FXYD5: variants seen among roughly 807,000 people sequenced by gnomAD.
FXYD5 encodes the protein FXYD domain-containing ion transport regulator 5.
Under a neutral mutation model 25.7 loss-of-function variants are expected in FXYD5, and 21 were observed. That is an observed-to-expected ratio of 0.82 (90% CI 0.58 to 1.18). The LOEUF (loss-of-function observed/expected upper bound fraction) is 1.18. FXYD5 is among the 50% of genes most tolerant of loss of function. The pLI, the probability that FXYD5 is intolerant of heterozygous loss-of-function variation, is 0.00. For synonymous variants in FXYD5, 101 were observed against 90.7 expected (o/e 1.11, Z -0.64); for missense variants, 229 against 227.7 (o/e 1.01, Z -0.04).
chr19:35,169,446 G>A, intron 8 of FXYD5, 120 bp from the exon 9 acceptor site: 2 of 733,188 alleles, frequency 2.7e-6, no homozygotes, highest in South Asian at 1.6e-5. Context: ...ATTTGTTTAT[G>A]GAGTTGCCTT....
chr19:35,160,904 T>A (rs941885643), intron 5 of FXYD5, 103 bp downstream of exon 5: 1 of 716,092 alleles, frequency 1.4e-6, no homozygotes, highest in African/African-American at 1.8e-5. Flanking sequence ...GTTTGGGGAA[T>A]TGTTAATACA....
At chr19:35,163,917 C>A in intron 5 of FXYD5, 1 of 1,298,478 alleles carries the variant, frequency 7.7e-7, no homozygotes, top group Non-Finnish European at 1.0e-6. Context: ...GGTCTGGAGT[C>A]CCTCGGGGAT....
rs34038258 is a variant in FXYD5, at chr19:35,168,075, TAA to T, written c.488-1480_488-1479del. Among the ~76,000 whole-genome samples, 866 of 145,918 alleles carry T rather than the reference TAA, an allele frequency of 5.9e-3. 19 individuals carry two copies. The highest frequency in any genetic ancestry group is 0.021 in the African/African-American group (835 of 39,612). On this transcript the variant is annotated intron_variant, in intron 8 of 8. Transcript: ENST00000392219. ...CTCTACACAAATAATTTTTTTTACT[TAA>T]AAAAAAAAAAGAATCAGTGAAGGAT...
chr19:35,164,084 C>A, intron 5 of FXYD5, 72 bp from the exon 6 acceptor site: 1 of 1,610,640 alleles, frequency 6.2e-7, no homozygotes. Context: ...CAGATGCAGA[C>A]TCTCAGTAAT....
At chr19:35,165,509 A>T (rs543287653) in intron 6 of FXYD5, among the ~76,000 whole-genome samples, 1 of 152,164 alleles carries the variant, frequency 6.6e-6, no homozygotes, top group East Asian at 1.9e-4. Context: ...TGTCATTGCC[A>T]TCTTGGTTTT....
At chr19:35,167,479 C>T (rs1435208145) in intron 8 of FXYD5, among the ~76,000 whole-genome samples, 1 of 152,192 alleles carries the variant, frequency 6.6e-6, no homozygotes, top group Non-Finnish European at 1.5e-5. Context: ...CCTGCCAATG[C>T]TTAACCAGAG....
chr19:35,169,738 G>A lies in FXYD5; in HGVS notation c.*123G>A, dbSNP rs1219346950. 2 of 698,258 alleles carry A rather than the reference G, an allele frequency of 2.9e-6. No individual in the cohort carries two copies. Among genetic ancestry groups the A allele is most frequent in the South Asian group, 1.6e-5 (1 of 61,718 alleles). 43.3% of individuals were successfully genotyped at this position (698,258 alleles called of 1,614,324 possible). ...CTGGCCAGAGAGGGAAGACACAGATGATGAAGCTGGAGCCAGGGCTGCCGG... is the reference window on the plus strand; with the variant it reads ...CTGGCCAGAGAGGGAAGACACAGATAATGAAGCTGGAGCCAGGGCTGCCGG... On this transcript the variant is annotated 3_prime_UTR_variant, in exon 9 of 9. Transcript: ENST00000392219.
chr19:35,158,420 G>A lies in FXYD5; in HGVS notation c.199+20G>A. The A allele has an allele frequency of 6.7e-7, 1 of 1,494,260 alleles. No homozygotes were observed. The highest frequency in any genetic ancestry group is 2.3e-5 in the East Asian group (1 of 44,256). 92.6% of individuals were successfully genotyped at this position (1,494,260 alleles called of 1,614,324 possible). ...CTGATGGTGAGTAGTGCAGGGGCAG[G>A]CGGCGGGGACAGGACCAAGACAAAC... On this transcript the variant is annotated intron_variant, in intron 4 of 8. Transcript: ENST00000392219.
chr19:35,161,087 T>C (rs923009055), intron 5 of FXYD5, among the ~76,000 whole-genome samples: 2 of 152,176 alleles, frequency 1.3e-5, no homozygotes, highest in African/African-American at 4.8e-5. Context: ...TGATAGACTT[T>C]GGAACTTTCT....
chr19:35,165,704 C>T (rs1351109402), intron 6 of FXYD5, among the ~76,000 whole-genome samples: 1 of 152,048 alleles, frequency 6.6e-6, no homozygotes, highest in South Asian at 2.1e-4. Flanking sequence ...GTTCAAACAC[C>T]CCTGACATGA....
intron 8 of FXYD5, 29 bp from the exon 9 acceptor site, chr19:35,169,537 C>T (rs374228812): frequency 3.6e-5 from 56 of 1,550,524 alleles, no homozygotes; most frequent in Non-Finnish European, 4.5e-5. Context: ...CACTCTAGCT[C>T]GTGACTGAAT....
At chr19:35,155,249 C>T (rs1414468744) in intron 1 of FXYD5, 4 of 483,864 alleles carry the variant, frequency 8.3e-6, no homozygotes, top group Non-Finnish European at 1.5e-5. Context: ...GCGGAAGGCG[C>T]AGGGAGGTGT....
In FXYD5 at chr19:35,166,308, GCAT is replaced by G; in HGVS notation, c.478_480del (p.Ile160del). 6.3e-7 allele frequency: 1 copy of G among 1,590,956 alleles called. No individual in the cohort carries two copies. Among genetic ancestry groups the G allele is most frequent in the Non-Finnish European group, 8.6e-7 (1 of 1,165,760 alleles). ...GTCGCAGCTGTGCTGTTCATCACAG[GCAT>G]CATCATCCTCACCAGTGAGAACTGG... On this transcript the variant is annotated inframe_deletion, in exon 8 of 9. Coordinates refer to ENST00000392219, the MANE Select transcript of FXYD5 (RefSeq NM_014164.6).
rs144917831 is a variant in FXYD5, at chr19:35,164,188, G to A, written c.325G>A (p.Glu109Lys). 2 of 1,613,934 alleles carry A rather than the reference G, an allele frequency of 1.2e-6. No individual in the cohort carries two copies. The highest frequency in any genetic ancestry group is 1.7e-6 in the Non-Finnish European group (2 of 1,180,010). Reference protein sequence around the residue: ...HPTDDTTTLSERPSPSTDVQT... With the variant: ...HPTDDTTTLSKRPSPSTDVQT... The stretch of plus-strand genomic sequence containing the variant: ...CACTGATGACACCACGACGCTCTCT[G>A]AGAGACCATCCCCAAGCACAGACGT... Residue 109 changes from glutamate (E) to lysine (K), a missense_variant, in exon 6 of 9, where the codon GAG becomes AAG. Coordinates refer to ENST00000392219, the MANE Select transcript of FXYD5 (RefSeq NM_014164.6).
intron 2 of FXYD5, 88 bp downstream of exon 2, chr19:35,155,699 G>A (rs1481274828): frequency 1.0e-5 from 10 of 957,292 alleles, no homozygotes; most frequent in Non-Finnish European, 1.5e-5. Context: ...GTTGGCCCGT[G>A]TGAACGTTGT....
chr19:35,162,939 T>C (rs1361365400), intron 5 of FXYD5, among the ~76,000 whole-genome samples: 1 of 152,248 alleles, frequency 6.6e-6, no homozygotes, highest in African/African-American at 2.4e-5. Context: ...TTGTTCATGC[T>C]GGGCACTGTG....
intron 8 of FXYD5, among the ~76,000 whole-genome samples, chr19:35,168,242 C>T (rs1367473582): frequency 6.6e-6 from 1 of 152,144 alleles, no homozygotes; most frequent in Non-Finnish European, 1.5e-5. Flanking sequence ...TGACAAGCAG[C>T]CCTGGTCCCT....
At position 35,169,616 on chromosome 19, in the gene FXYD5, G is replaced by T; in HGVS notation, c.*1G>T. On this transcript the variant is annotated 3_prime_UTR_variant, in exon 9 of 9. Coordinates refer to ENST00000392219, the MANE Select transcript of FXYD5 (RefSeq NM_014164.6). ...GTTATGCCGGAATCGTTGCAGGTGA[G>T]TCCATCAGAAACAGGAGCTGACAAC... 6.2e-7 allele frequency: 1 copy of T among 1,605,324 alleles called. No individual in the cohort carries two copies. The highest frequency in any genetic ancestry group is 8.5e-7 in the Non-Finnish European group (1 of 1,171,970).
In FXYD5 at chr19:35,157,480, C is replaced by A; in HGVS notation, c.121C>A (p.Gln41Lys). 1 of 1,564,734 alleles carries A rather than the reference C, an allele frequency of 6.4e-7. No individual in the cohort carries two copies. Among genetic ancestry groups the A allele is most frequent in the Non-Finnish European group, 8.8e-7 (1 of 1,135,406 alleles). The change falls in exon 3 of 9, where the codon CAG becomes AAG. Residue 41 changes from glutamine to lysine, a missense_variant. Physicochemically the swap from Gln to Lys is moderately conservative, Grantham distance 53. Coordinates refer to ENST00000392219, the MANE Select transcript of FXYD5 (RefSeq NM_014164.6). ...SSADSTIMDI[Q>K]VPTRAPDAVY... ...AGCAGACTCAACTATCATGGACATT[C>A]AGGTCCCGACACGAGCCCCAGGTGA...
Sources: allele counts gnomAD v4.1 joint callset (sites outside exome capture counted in the v4.1 genomes callset), GRCh38; gene constraint gnomAD v4.1.1; transcripts MANE v1.5; gene names NCBI Gene and HGNC (gene_info 2026-07-23, HGNC 2026-07-21).